The following CAPN2 variants were observed in gnomAD, a reference collection of about 807,000 sequenced individuals.
CAPN2 encodes the protein calpain-2 catalytic subunit.
Under a neutral mutation model 102.3 loss-of-function variants are expected in CAPN2, and 92 were observed. The ratio of observed to expected loss-of-function variants is 0.90; its 90% CI spans 0.76 to 1.07. CAPN2 has a LOEUF of 1.07. Among genes scored for constraint, CAPN2 ranks in the 50% least tolerant of loss-of-function variants. The probability of loss-of-function intolerance (pLI) is 0.00; values close to 1 mark genes in which losing one functional copy is unlikely to be tolerated. For missense variants in CAPN2, 800 were observed against 909.4 expected (o/e 0.88, Z 1.55); for synonymous variants, 340 against 355.4 (o/e 0.96, Z 0.49).
intron 2 of CAPN2, among the ~76,000 whole-genome samples, chr1:223,743,009 A>G (rs1401974432): frequency 6.6e-6 from 1 of 152,176 alleles, no homozygotes; most frequent in Non-Finnish European, 1.5e-5. Flanking sequence ...TGTGGTGAAG[A>G]TGACCCCTCC....
intron 4 of CAPN2, 54 bp downstream of exon 4, chr1:223,745,493 C>T: frequency 6.2e-7 from 1 of 1,603,682 alleles, no homozygotes; most frequent in South Asian, 1.1e-5. Context: ...CCCTGGATTC[C>T]AAAAAATTCA....
At chr1:223,728,313 G>A (rs1485097389) in intron 2 of CAPN2, among the ~76,000 whole-genome samples, 3 of 152,104 alleles carry the variant, frequency 2.0e-5, no homozygotes, top group South Asian at 2.1e-4. Context: ...TCTGGTGCCC[G>A]GGCTGAAGGG....
rs139113564 is a variant in CAPN2, at chr1:223,769,843, G to A, written c.1758G>A (p.Ser586=). 2,062 of 1,607,984 alleles carry A rather than the reference G, an allele frequency of 1.3e-3. No homozygotes were observed. The highest frequency in any genetic ancestry group is 1.6e-3 in the Non-Finnish European group (1,915 of 1,176,940). Residue 586 remains serine (S), a splice_region_variant and synonymous_variant, in exon 17 of 21, where the codon TCG becomes TCA. Transcript: ENST00000295006. The part of the protein sequence containing the change: ...TCKIMVDMLD[S]DGSGKLGLKE... ...GGGCTTTCCTTGACTGAAGGCAGTCGGACGGGAGTGGCAAGCTGGGGCTGA... is the reference window on the plus strand; with the variant it reads ...GGGCTTTCCTTGACTGAAGGCAGTCAGACGGGAGTGGCAAGCTGGGGCTGA...
At chr1:223,732,293 T>C (rs1045515869) in intron 2 of CAPN2, among the ~76,000 whole-genome samples, 6 of 152,202 alleles carry the variant, frequency 3.9e-5, no homozygotes, top group African/African-American at 1.4e-4. Flanking sequence ...AAATTTATTA[T>C]GAAAATAAAG....
chr1:223,741,458 A>AT (rs1452824131), intron 2 of CAPN2, among the ~76,000 whole-genome samples: 10 of 139,112 alleles, frequency 7.2e-5, no homozygotes, highest in Non-Finnish European at 1.5e-4. Flanking sequence ...ATATATATAT[A>AT]TATATATATA....
chr1:223,748,846 G>A (rs1660814810), intron 5 of CAPN2, among the ~76,000 whole-genome samples, 193 bp from the exon 6 acceptor site: 1 of 152,226 alleles, frequency 6.6e-6, no homozygotes, highest in Non-Finnish European at 1.5e-5. Context: ...TATTCTCGGC[G>A]TTCAAGCATT....
At chr1:223,730,869 T>C (rs1305258685) in intron 2 of CAPN2, among the ~76,000 whole-genome samples, 1 of 152,238 alleles carries the variant, frequency 6.6e-6, no homozygotes, top group Non-Finnish European at 1.5e-5. Flanking sequence ...CATTTTCGAC[T>C]TGCAATATTT....
intron 2 of CAPN2, 76 bp downstream of exon 2, chr1:223,717,907 T>C: frequency 3.6e-6 from 4 of 1,110,232 alleles, no homozygotes; most frequent in Non-Finnish European, 5.5e-6. Flanking sequence ...GGACAACCTG[T>C]GGCTTCTCTC....
At chr1:223,749,240 G>A (rs1310450211) in intron 6 of CAPN2, 118 bp downstream of exon 6, 6 of 838,002 alleles carry the variant, frequency 7.2e-6, no homozygotes, top group Non-Finnish European at 1.2e-5. Flanking sequence ...TTACACTCGG[G>A]CCCCGCACTC....
chr1:223,749,974 C>T (rs1321603688), intron 6 of CAPN2, among the ~76,000 whole-genome samples: 1 of 152,154 alleles, frequency 6.6e-6, no homozygotes, highest in African/African-American at 2.4e-5. Context: ...CATGCCATTG[C>T]ACCCCAGCCT....
In CAPN2 at chr1:223,756,308, A is replaced by C. The variant is rs1269952013; in HGVS notation, c.1305+659A>C. Among the ~76,000 whole-genome samples the C allele has an allele frequency of 6.6e-6, 1 of 152,180 alleles. No homozygotes were observed. The highest frequency in any genetic ancestry group is 1.5e-5 in the Non-Finnish European group (1 of 68,014). ...CTCTCCCCACTCCCTTCTGCAAAAC[A>C]AGAAAGAGCTTTCGTGGGCTGCAGG... On this transcript the variant is annotated intron_variant, in intron 10 of 20. Transcript: ENST00000295006. The surrounding 1 kb of genome is among the most constrained non-coding windows in gnomAD (Gnocchi z 4.1).
intron 1 of CAPN2, among the ~76,000 whole-genome samples, chr1:223,713,625 C>A (rs1388050381): frequency 6.6e-6 from 1 of 152,170 alleles, no homozygotes; most frequent in Non-Finnish European, 1.5e-5. Context: ...CCCTGAGGCT[C>A]CTCCTCCTTT....
chr1:223,774,060 G>A (rs895353358), intron 20 of CAPN2, among the ~76,000 whole-genome samples: 1 of 151,850 alleles, frequency 6.6e-6, no homozygotes, highest in African/African-American at 2.4e-5. Flanking sequence ...ATAAATAGTA[G>A]AGTCAACACA....
intron 5 of CAPN2, 61 bp from the exon 6 acceptor site, chr1:223,748,978 G>A (rs1000681475): frequency 2.7e-6 from 4 of 1,471,886 alleles, no homozygotes; most frequent in South Asian, 2.3e-5. Flanking sequence ...CAGAGGGAGC[G>A]AGGGAGTCCG....
At chr1:223,769,320 C>T (rs1029941761) in intron 16 of CAPN2, among the ~76,000 whole-genome samples, 2 of 152,018 alleles carry the variant, frequency 1.3e-5, no homozygotes, top group Admixed American at 6.6e-5. Context: ...AGGGTTTCAC[C>T]GTGTTGGCCA....
At chr1:223,757,038 G>A (rs182507462) in intron 10 of CAPN2, among the ~76,000 whole-genome samples, 10 of 152,300 alleles carry the variant, frequency 6.6e-5, no homozygotes, top group Admixed American at 2.0e-4. Flanking sequence ...ATTTCACCTC[G>A]CCTGCTGCCT....
intron 11 of CAPN2, chr1:223,758,421 G>A (rs1661093784): frequency 6.6e-6 from 1 of 152,258 alleles, no homozygotes; most frequent in African/African-American, 2.4e-5. Flanking sequence ...TTGGTCCGGT[G>A]GATCATGCTT....
chr1:223,720,836 G>A (rs1660032324), intron 2 of CAPN2, among the ~76,000 whole-genome samples: 1 of 151,992 alleles, frequency 6.6e-6, no homozygotes, highest in African/African-American at 2.4e-5. Flanking sequence ...CCAAAGGATT[G>A]AACCCTGGTC....
At position 223,750,817 on chromosome 1, in the gene CAPN2, G is replaced by A. The variant is rs914399034; in HGVS notation, c.814-73G>A. 60 of 1,399,912 alleles carry A rather than the reference G, an allele frequency of 4.3e-5. No individual in the cohort carries two copies. The Admixed American group carries it at 6.5e-4, about 15-fold the overall frequency. The allele number at this position is 1,399,912 out of a possible 1,614,324, so 86.7% of individuals were successfully genotyped here. ...TACCTCCTGGCTCATGCGGAAGGGG[G>A]TTGGAGGCCCAAGCCTTCATAGCCC... On this transcript the variant is annotated intron_variant, in intron 6 of 20. Coordinates refer to ENST00000295006, the MANE Select transcript of CAPN2 (RefSeq NM_001748.5).
Sources: allele counts gnomAD v4.1 joint callset (sites outside exome capture counted in the v4.1 genomes callset), GRCh38; gene constraint gnomAD v4.1.1; non-coding constraint Gnocchi (gnomAD v3.1); transcripts MANE v1.5; gene names NCBI Gene and HGNC (gene_info 2026-07-23, HGNC 2026-07-21).